Variants in FYN observed in about 807,000 individuals in gnomAD.
FYN encodes the protein FYN proto-oncogene, Src family tyrosine kinase.
A neutral mutation model predicts 70.2 loss-of-function variants in FYN; 10 were observed. The observed-to-expected ratio is 0.14, with a 90% CI of 0.09 to 0.24. The LOEUF (loss-of-function observed/expected upper bound fraction) is 0.24. Among genes scored for constraint, FYN ranks in the 10% least tolerant of loss-of-function variants. The pLI, the probability that FYN is intolerant of heterozygous loss-of-function variation, is 1.00. For synonymous variants in FYN, 236 were observed against 248.6 expected (o/e 0.95, Z 0.48); for missense variants, 319 against 673.1 (o/e 0.47, Z 5.82).
chr6:111,683,919 A>G (rs1293394638), intron 12 of FYN, among the ~76,000 whole-genome samples: 1 of 152,182 alleles, frequency 6.6e-6, no homozygotes, highest in Admixed American at 6.5e-5. Context: ...CAAAACTCAG[A>G]ATTTTCACAC....
intron 3 of FYN, among the ~76,000 whole-genome samples, chr6:111,757,327 GTAACC>G (rs1218834246): frequency 6.6e-6 from 1 of 152,150 alleles, no homozygotes; most frequent in Admixed American, 6.5e-5. Context: ...AGACAAACAA[GTAACC>G]TAATTATATT....
At chr6:111,827,827 T>C (rs1772887255) in intron 2 of FYN, among the ~76,000 whole-genome samples, 3 of 152,146 alleles carry the variant, frequency 2.0e-5, no homozygotes, top group Non-Finnish European at 4.4e-5. Flanking sequence ...AAGGGTACTC[T>C]TTCTTCTTGG....
rs966242192 is a variant in FYN at position 111,676,368 on chromosome 6, AT to A, written c.1274-1739del. The A allele has an allele frequency of 2.6e-3, 390 of 152,300 alleles. 1 individual carries two copies. The highest frequency in any genetic ancestry group is 8.9e-3 in the African/African-American group (372 of 41,576). 9.4% of individuals were successfully genotyped at this position (152,300 alleles called of 1,614,324 possible). A position where few individuals can be genotyped will look rare whatever the true frequency, so the allele number is the denominator to read the frequency against. ...TAGTTTTCCTTTTATGCATGGAGTTATTTTTAATTAGTTATGTTTCTCAGGC... is the reference window on the plus strand; with the variant it reads ...TAGTTTTCCTTTTATGCATGGAGTTATTTTAATTAGTTATGTTTCTCAGGC... On this transcript the variant is annotated intron_variant, in intron 12 of 13. Coordinates refer to ENST00000354650, the MANE Select transcript of FYN (RefSeq NM_002037.5).
intron 3 of FYN, among the ~76,000 whole-genome samples, chr6:111,751,348 C>A (rs144035997): frequency 2.0e-5 from 3 of 152,108 alleles, no homozygotes; most frequent in Non-Finnish European, 4.4e-5. Flanking sequence ...GGCCTCAGAA[C>A]GCCAGAACTG....
At chr6:111,798,973 A>C (rs1370234825) in intron 2 of FYN, among the ~76,000 whole-genome samples, 2 of 152,236 alleles carry the variant, frequency 1.3e-5, no homozygotes, top group African/African-American at 4.8e-5. Context: ...CAATTACAGA[A>C]ATGAACACCC....
chr6:111,868,047 C>A (rs1774164784), intron 1 of FYN, among the ~76,000 whole-genome samples: 1 of 152,058 alleles, frequency 6.6e-6, no homozygotes, highest in Non-Finnish European at 1.5e-5. Context: ...TCCCACAACA[C>A]TCACCTAGCC....
chr6:111,806,151 G>C (rs1393456798), intron 2 of FYN, among the ~76,000 whole-genome samples: 2 of 152,162 alleles, frequency 1.3e-5, no homozygotes, highest in African/African-American at 2.4e-5. Context: ...AAAACACAAA[G>C]CCTGACTGAA....
chr6:111,760,485 T>C (rs1802954522), intron 3 of FYN, among the ~76,000 whole-genome samples: 1 of 152,076 alleles, frequency 6.6e-6, no homozygotes. Context: ...CAACAGCACA[T>C]CTAAAAACAA....
At chr6:111,665,605 G>A (rs1797959880) in intron 13 of FYN, among the ~76,000 whole-genome samples, 2 of 149,456 alleles carry the variant, frequency 1.3e-5, no homozygotes, top group African/African-American at 2.5e-5. Context: ...CTAGAGAGAG[G>A]AATCCTTTTA....
At chr6:111,680,876 TC>T (rs983306391) in intron 12 of FYN, among the ~76,000 whole-genome samples, 31 of 152,190 alleles carry the variant, frequency 2.0e-4, no homozygotes, top group African/African-American at 7.2e-4. Flanking sequence ...AGTTTATTCT[TC>T]CCCATGTCCT....
At chr6:111,832,986 C>T (rs1407407384) in intron 2 of FYN, among the ~76,000 whole-genome samples, 1 of 152,146 alleles carries the variant, frequency 6.6e-6, no homozygotes, top group Non-Finnish European at 1.5e-5. Context: ...TAATGCTCTA[C>T]TTTCAGTTTC....
chr6:111,771,287 G>T (rs912818516), intron 3 of FYN, among the ~76,000 whole-genome samples: 1 of 152,124 alleles, frequency 6.6e-6, no homozygotes, highest in Non-Finnish European at 1.5e-5. Context: ...GGGAACAACA[G>T]ATGTCACACC....
At chr6:111,745,684 C>T (rs1353749040) in intron 3 of FYN, among the ~76,000 whole-genome samples, 2 of 152,188 alleles carry the variant, frequency 1.3e-5, no homozygotes, top group Non-Finnish European at 2.9e-5. Flanking sequence ...TGCTTAACAA[C>T]AGGCAGCATG....
chr6:111,730,648 G>A (rs1204880341), intron 3 of FYN, among the ~76,000 whole-genome samples: 3 of 152,148 alleles, frequency 2.0e-5, no homozygotes, highest in African/African-American at 7.2e-5. Context: ...GCATTTTAAT[G>A]CTTTGACTTT....
intron 2 of FYN, among the ~76,000 whole-genome samples, chr6:111,781,351 A>T (rs1191199780): frequency 6.6e-6 from 1 of 151,980 alleles, no homozygotes; most frequent in Non-Finnish European, 1.5e-5. Flanking sequence ...CCCTATTCTC[A>T]TCGTTACACT....
At chr6:111,717,660 C>T (rs755693942) in intron 4 of FYN, among the ~76,000 whole-genome samples, 28 of 152,156 alleles carry the variant, frequency 1.8e-4, no homozygotes, top group African/African-American at 6.3e-4. Context: ...GACGGGGTTT[C>T]GCCATGTTGG....
chr6:111,829,254 T>C (rs528626473), intron 2 of FYN, among the ~76,000 whole-genome samples: 1 of 152,212 alleles, frequency 6.6e-6, no homozygotes, highest in African/African-American at 2.4e-5. Flanking sequence ...TATCCTCAAC[T>C]GTGTCACTCA....
chr6:111,794,749 C>A (rs866341348), intron 2 of FYN, among the ~76,000 whole-genome samples: 1 of 152,194 alleles, frequency 6.6e-6, no homozygotes, highest in Non-Finnish European at 1.5e-5. Context: ...GCTGCTTTCA[C>A]ACACAACAGC....
In FYN at chr6:111,707,940, T is replaced by G; in HGVS notation, c.425A>C (p.Asp142Ala). ...YIPSNYVAPV[D>A]SIQAEEWYFG... The stretch of plus-strand genomic sequence containing the variant: ...AACATACTCTTCTGCCTGGATAGAG[T>G]CAACTGGAGCCACATAATTGCTGGG... The change falls in exon 6 of 14, where the codon GAC (aspartate) becomes GCC (alanine). Residue 142 changes from aspartate (D) to alanine (A), a missense_variant. This residue lies in a region of FYN where 128 missense variants were observed against 183.9 expected (regional missense o/e 0.70). Transcript: ENST00000354650. The G allele has an allele frequency of 6.2e-7, 1 of 1,613,632 alleles. No individual in the cohort carries two copies. Among genetic ancestry groups the G allele is most frequent in the South Asian group, 1.1e-5 (1 of 91,078 alleles).
Sources: allele counts gnomAD v4.1 joint callset (sites outside exome capture counted in the v4.1 genomes callset), GRCh38; gene constraint gnomAD v4.1.1; regional missense constraint gnomAD v4.1.1; transcripts MANE v1.5; gene names NCBI Gene and HGNC (gene_info 2026-07-23, HGNC 2026-07-21).